Variants in OTUB2 observed in about 807,000 individuals in gnomAD.
OTUB2 encodes the protein ubiquitin thioesterase OTUB2.
OTUB2 carries 21 observed loss-of-function variants against 25.1 expected under a neutral mutation model. The observed-to-expected ratio is 0.84, with a 90% CI of 0.59 to 1.21. The LOEUF (loss-of-function observed/expected upper bound fraction) is 1.21, where lower values mean the gene tolerates loss of function less well. Among genes scored for constraint, OTUB2 ranks in the 50% most tolerant of loss-of-function variants. The pLI, the probability that OTUB2 is intolerant of heterozygous loss-of-function variation, is 0.00. For missense variants in OTUB2, 283 were observed against 298.0 expected (o/e 0.95, Z 0.37); for synonymous variants, 122 against 122.8 (o/e 0.99, Z 0.04).
At chr14:94,042,789 G>A (rs1252166633) in intron 3 of OTUB2, among the ~76,000 whole-genome samples, 6 of 152,294 alleles carry the variant, frequency 3.9e-5, no homozygotes, top group South Asian at 2.1e-4. Context: ...TGGAGGCCTC[G>A]TCCTCCCAGG....
intron 3 of OTUB2, among the ~76,000 whole-genome samples, chr14:94,040,570 GC>G (rs1381279880): frequency 1.3e-5 from 2 of 152,228 alleles, no homozygotes; most frequent in Non-Finnish European, 2.9e-5. Flanking sequence ...AGTGGGTGAT[GC>G]TGGCTAAGCC....
intron 3 of OTUB2, chr14:94,039,526 C>G (rs896859979): frequency 6.0e-6 from 1 of 167,760 alleles, no homozygotes; most frequent in South Asian, 1.6e-4. Context: ...AGGTCTGTGT[C>G]CAGAGCTGCC....
Position 94,044,186 on chromosome 14 carries a change from G to C in OTUB2, c.303+131G>C, listed in dbSNP as rs1438893196. ...GACAGAGGGTTCCTTCCTGCTTGTG[G>C]GGGTGTGTGGGCACAGGGAGCCCTC... On this transcript the variant is annotated intron_variant, in intron 4 of 5. Coordinates refer to ENST00000203664, the MANE Select transcript of OTUB2 (RefSeq NM_023112.4). 6.5e-6 allele frequency: 6 copies of C among 920,376 alleles called. No individual in the cohort carries two copies. In the East Asian group the frequency reaches 1.2e-4, roughly 18 times the overall value. The allele number at this position is 920,376 out of a possible 1,614,324, so 57.0% of individuals were successfully genotyped here.
chr14:94,043,844 G>A, intron 3 of OTUB2, 127 bp from the exon 4 acceptor site: 1 of 818,054 alleles, frequency 1.2e-6, no homozygotes, highest in Non-Finnish European at 2.1e-6. Flanking sequence ...GGCAGGGGCG[G>A]GAGGTTCTGC....
chr14:94,026,481 T>G lies in OTUB2; in HGVS notation c.-57T>G. 7.5e-7 allele frequency: 1 copy of G among 1,327,068 alleles called. No individual in the cohort carries two copies. Among genetic ancestry groups the G allele is most frequent in the Non-Finnish European group, 9.7e-7 (1 of 1,033,128 alleles). 82.2% of individuals were successfully genotyped at this position (1,327,068 alleles called of 1,614,324 possible). ...AGCCCGCCCGCGCCTCCCGCGGCAT[T>G]CCCGCACCGGATCGCTCCTCGCTGG... On this transcript the variant is annotated 5_prime_UTR_variant, in exon 1 of 6. In the 5' UTR this introduces an upstream ATG that the reference lacks. Coordinates refer to ENST00000203664, the MANE Select transcript of OTUB2 (RefSeq NM_023112.4).
chr14:94,026,431 G>A lies in OTUB2; in HGVS notation c.-107G>A. 2 of 1,297,974 alleles carry A rather than the reference G, an allele frequency of 1.5e-6. No individual in the cohort carries two copies. The highest frequency in any genetic ancestry group is 2.2e-5 in the South Asian group (1 of 44,912). 80.4% of individuals were successfully genotyped at this position (1,297,974 alleles called of 1,614,324 possible). A position where few individuals can be genotyped will look rare whatever the true frequency, so the allele number is the denominator to read the frequency against. On this transcript the variant is annotated 5_prime_UTR_variant, in exon 1 of 6. Transcript: ENST00000203664. ...TCTCCGCCGCCCCCACGCCCTCGAG[G>A]TCCCCGCCACCGAACCAGCGGCGGA...
In OTUB2 at chr14:94,045,996, A is replaced by AT. The variant is rs1394096986; in HGVS notation, c.*80dup. ...CTGAATGGAACATTCCGGCTCTTCA[A>AT]TTTTTTAAGCAATTTAGACTGTAGC... On this transcript the variant is annotated 3_prime_UTR_variant, in exon 6 of 6. Coordinates refer to ENST00000203664, the MANE Select transcript of OTUB2 (RefSeq NM_023112.4). 2.6e-6 allele frequency: 4 copies of AT among 1,513,912 alleles called. No individual in the cohort carries two copies. The highest frequency in any genetic ancestry group is 2.3e-5 in the South Asian group (2 of 86,312). 93.8% of individuals were successfully genotyped at this position (1,513,912 alleles called of 1,614,324 possible).
intron 5 of OTUB2, 29 bp from the exon 6 acceptor site, chr14:94,045,687 C>T: frequency 6.2e-7 from 1 of 1,609,240 alleles, no homozygotes; most frequent in South Asian, 1.1e-5. Context: ...CCCTCCTAAG[C>T]TGGCTTGTTT....
At position 94,045,989 on chromosome 14, in the gene OTUB2, C is replaced by T. The variant is rs915887409; in HGVS notation, c.*67C>T. On this transcript the variant is annotated 3_prime_UTR_variant, in exon 6 of 6. Coordinates refer to ENST00000203664, the MANE Select transcript of OTUB2 (RefSeq NM_023112.4). The stretch of plus-strand genomic sequence containing the variant: ...CTGCATTCTGAATGGAACATTCCGG[C>T]TCTTCAATTTTTTAAGCAATTTAGA... 3 of 1,535,176 alleles carry T rather than the reference C, an allele frequency of 2.0e-6. No homozygotes were observed. The Admixed American group carries it at 5.3e-5, about 27-fold the overall frequency.
intron 3 of OTUB2, among the ~76,000 whole-genome samples, chr14:94,043,256 GA>G (rs1328484847): frequency 6.6e-6 from 1 of 152,238 alleles, no homozygotes; most frequent in African/African-American, 2.4e-5. Context: ...CAGGCAAAGT[GA>G]GGGGCTGGAG....
At chr14:94,030,130 T>C (rs971278165) in intron 1 of OTUB2, among the ~76,000 whole-genome samples, 1 of 152,102 alleles carries the variant, frequency 6.6e-6, no homozygotes, top group African/African-American at 2.4e-5. Context: ...GTGCCCTTGC[T>C]GGTTAAGCAG....
rs201463832 is a variant in OTUB2 at position 94,044,781 on chromosome 14, G to T, written c.498+1G>T. 1.2e-6 allele frequency: 2 copies of T among 1,609,136 alleles called. No homozygotes were observed. Among genetic ancestry groups the T allele is most frequent in the Admixed American group, 1.7e-5 (1 of 59,836 alleles). The stretch of plus-strand genomic sequence containing the variant: ...GGACATCAAAGACTTCTGCACTCAC[G>T]TAGGTGCTTGGGGTCTCAGCCCCAG... On this transcript the variant is annotated splice_donor_variant, in intron 5 of 5. Transcript: ENST00000203664. LOFTEE classifies it high-confidence loss of function.
rs183997245 is a variant in OTUB2 at position 94,048,157 on chromosome 14, G to A, written c.*2235G>A. 217 of 152,330 alleles carry A rather than the reference G, an allele frequency of 1.4e-3. 2 individuals are homozygous for A. The highest frequency in any genetic ancestry group is 4.9e-3 in the African/African-American group (203 of 41,564). The allele number at this position is 152,330 out of a possible 1,614,324, so 9.4% of individuals were successfully genotyped here. A position where few individuals can be genotyped will look rare whatever the true frequency, so the allele number is the denominator to read the frequency against. ...TTGTTAAAATTTCTAGTCATCTGTG[G>A]ATGTTACCTTGCTTGTCCACAGCAG... is the stretch of plus-strand genomic sequence containing the variant. On this transcript the variant is annotated 3_prime_UTR_variant, in exon 6 of 6. Transcript: ENST00000203664.
chr14:94,035,335 G>C (rs372997715), intron 1 of OTUB2, among the ~76,000 whole-genome samples: 39 of 136,992 alleles, frequency 2.8e-4, no homozygotes, highest in Non-Finnish European at 5.0e-4. Context: ...TGTCACCCAG[G>C]CTGGAGTGCA....
intron 1 of OTUB2, among the ~76,000 whole-genome samples, chr14:94,034,336 G>T (rs534599186): frequency 1.3e-5 from 2 of 152,328 alleles, no homozygotes; most frequent in African/African-American, 4.8e-5. Flanking sequence ...AGGCCTCAGG[G>T]GCAGGAGGTG....
intron 3 of OTUB2, among the ~76,000 whole-genome samples, chr14:94,042,273 C>G (rs1885176651): frequency 6.6e-6 from 1 of 152,154 alleles, no homozygotes; most frequent in African/African-American, 2.4e-5. Context: ...TTGTGTGCAG[C>G]CCCAGCGGTC....
intron 3 of OTUB2, among the ~76,000 whole-genome samples, chr14:94,043,621 C>T (rs1225486170): frequency 1.3e-5 from 2 of 152,188 alleles, no homozygotes; most frequent in Non-Finnish European, 2.9e-5. Flanking sequence ...GTGTTGTCAG[C>T]CGATTGCTGT....
At chr14:94,031,154 G>C (rs10136308) in intron 1 of OTUB2, among the ~76,000 whole-genome samples, 31,580 of 151,424 alleles carry the variant, frequency 0.21, 3,559 homozygotes, top group Middle Eastern at 0.29. Flanking sequence ...TGTAATCCCA[G>C]CATTTTGGGA....
chr14:94,038,871 G>A, intron 2 of OTUB2, 92 bp from the exon 3 acceptor site: 1 of 1,097,466 alleles, frequency 9.1e-7, no homozygotes, highest in Non-Finnish European at 1.4e-6. Flanking sequence ...CATTTCCTGG[G>A]AGAGATGGGG....
Sources: gnomAD v4.1 joint callset for allele counts (sites outside exome capture counted in the v4.1 genomes callset) on GRCh38, gnomAD v4.1.1 for gene constraint, MANE v1.5 for transcripts, NCBI Gene and HGNC (gene_info 2026-07-23, HGNC 2026-07-21) for gene names.